MACROD2: variants seen among roughly 807,000 people sequenced by gnomAD.
MACROD2 encodes ADP-ribose glycohydrolase MACROD2.
In MACROD2, 36 loss-of-function variants were observed where a neutral mutation model predicts 70.4. That is an observed-to-expected ratio of 0.51 (90% CI 0.39 to 0.68). The LOEUF (loss-of-function observed/expected upper bound fraction) is 0.68, where lower values mean the gene tolerates loss of function less well. Among genes scored for constraint, MACROD2 ranks in the 30% least tolerant of loss-of-function variants. The pLI is 0.00. For synonymous variants in MACROD2, 172 were observed against 178.8 expected, an observed-to-expected ratio of 0.96 and a Z score of 0.30; for missense variants, 496 against 538.4, an observed-to-expected ratio of 0.92 and a Z score of 0.78.
At chr20:14,682,253 C>T (rs946323360) in intron 4 of MACROD2, among the ~76,000 whole-genome samples, 6 of 151,944 alleles carry the variant, frequency 3.9e-5, no homozygotes, top group Admixed American at 2.0e-4. Flanking sequence ...GCCAAGAAAA[C>T]GTTTACTTTA....
intron 15 of MACROD2, among the ~76,000 whole-genome samples, chr20:16,012,807 G>T (rs1358104833): frequency 6.6e-6 from 1 of 152,118 alleles, no homozygotes; most frequent in African/African-American, 2.4e-5. Flanking sequence ...TGTAACAAGA[G>T]AAGGAAAGCT....
chr20:15,497,415 C>G (rs1422127246), intron 7 of MACROD2, among the ~76,000 whole-genome samples: 2 of 152,108 alleles, frequency 1.3e-5, no homozygotes, highest in African/African-American at 4.8e-5. Context: ...CCTCAGCCTC[C>G]CAAGTAGCTG....
chr20:15,360,636 A>G (rs2078341145), intron 6 of MACROD2, among the ~76,000 whole-genome samples: 1 of 152,044 alleles, frequency 6.6e-6, no homozygotes, highest in Non-Finnish European at 1.5e-5. Context: ...TTTCTAAGAA[A>G]CTGCCACACA....
intron 5 of MACROD2, among the ~76,000 whole-genome samples, chr20:14,720,168 T>C (rs1320520144): frequency 6.6e-6 from 1 of 152,202 alleles, no homozygotes; most frequent in Non-Finnish European, 1.5e-5. Flanking sequence ...TGGTTTGATA[T>C]TTGTAAATCT....
chr20:15,461,006 A>ATATATATTTTTTTTTTTT, intron 7 of MACROD2, among the ~76,000 whole-genome samples: 3 of 66,990 alleles, frequency 4.5e-5, no homozygotes, highest in Non-Finnish European at 9.8e-5. Flanking sequence ...ATATATATAT[A>ATATATATTTTTTTTTTTT]TTTTTTTTTA....
At chr20:15,618,638 G>C (rs2049076797) in intron 8 of MACROD2, among the ~76,000 whole-genome samples, 1 of 151,276 alleles carries the variant, frequency 6.6e-6, no homozygotes, top group African/African-American at 2.4e-5. Flanking sequence ...GGGGCTCCAT[G>C]TGCTGGGACA....
At chr20:15,622,180 G>C (rs2049135224) in intron 8 of MACROD2, among the ~76,000 whole-genome samples, 1 of 152,120 alleles carries the variant, frequency 6.6e-6, no homozygotes, top group Non-Finnish European at 1.5e-5. Flanking sequence ...TTTGGCTAAT[G>C]GTTCATAGTC....
At chr20:14,641,391 T>C (rs1985082440) in intron 4 of MACROD2, among the ~76,000 whole-genome samples, 1 of 152,236 alleles carries the variant, frequency 6.6e-6, no homozygotes, top group Admixed American at 6.5e-5. Context: ...AAACTTATGT[T>C]CCTGTTGATG....
intron 5 of MACROD2, among the ~76,000 whole-genome samples, chr20:15,160,816 A>T (rs1469732759): frequency 6.6e-6 from 1 of 152,136 alleles, no homozygotes; most frequent in Non-Finnish European, 1.5e-5. Context: ...GATCTGCAAC[A>T]ATTTCAGGAA....
chr20:15,992,765 A>G (rs1601289308), intron 15 of MACROD2, among the ~76,000 whole-genome samples: 1 of 152,216 alleles, frequency 6.6e-6, no homozygotes, highest in African/African-American at 2.4e-5. Context: ...TTCTACAACC[A>G]TGTGGCTTAT....
At chr20:15,929,550 A>G (rs1339173220) in intron 10 of MACROD2, among the ~76,000 whole-genome samples, 2 of 152,206 alleles carry the variant, frequency 1.3e-5, no homozygotes, top group East Asian at 3.8e-4. Flanking sequence ...CTGTGCCCAG[A>G]AATCTATAGA....
chr20:14,369,115 A>G (rs186214048), intron 3 of MACROD2, among the ~76,000 whole-genome samples: 45 of 152,240 alleles, frequency 3.0e-4, no homozygotes, highest in African/African-American at 1.0e-3. Context: ...GTACTCTACT[A>G]TATGCCCCAA....
intron 8 of MACROD2, among the ~76,000 whole-genome samples, chr20:15,673,361 G>C (rs2050008644): frequency 6.6e-6 from 1 of 152,066 alleles, no homozygotes; most frequent in African/African-American, 2.4e-5. Context: ...ATTTTTATTA[G>C]TTACTCATCA....
intron 6 of MACROD2, among the ~76,000 whole-genome samples, chr20:15,248,423 T>C (rs1225102455): frequency 6.6e-6 from 1 of 152,182 alleles, no homozygotes; most frequent in Non-Finnish European, 1.5e-5. Context: ...ATTGTCTTTG[T>C]GGCCACCTCT....
At chr20:15,516,389 G>T (rs2047568051) in intron 8 of MACROD2, among the ~76,000 whole-genome samples, 2 of 152,262 alleles carry the variant, frequency 1.3e-5, no homozygotes, top group South Asian at 4.1e-4. Flanking sequence ...TCACTGAGTA[G>T]CTGGCACACC....
At chr20:15,972,318 A>C (rs1195630849) in intron 13 of MACROD2, among the ~76,000 whole-genome samples, 2 of 152,212 alleles carry the variant, frequency 1.3e-5, no homozygotes, top group African/African-American at 4.8e-5. Context: ...TATTTGAAGT[A>C]AAAGTGATTA....
chr20:15,559,348 T>C (rs1220558882), intron 8 of MACROD2, among the ~76,000 whole-genome samples: 1 of 151,946 alleles, frequency 6.6e-6, no homozygotes, highest in East Asian at 1.9e-4. Flanking sequence ...AGAATAGTCA[T>C]GATTAAATCA....
At chr20:15,259,746 C>T (rs994877030) in intron 6 of MACROD2, among the ~76,000 whole-genome samples, 4 of 151,846 alleles carry the variant, frequency 2.6e-5, no homozygotes, top group African/African-American at 9.7e-5. Flanking sequence ...TTTCATCACA[C>T]CATAGGCTTT....
chr20:15,925,976 C>T (rs2065483748), intron 10 of MACROD2, among the ~76,000 whole-genome samples: 1 of 152,158 alleles, frequency 6.6e-6, no homozygotes, highest in Non-Finnish European at 1.5e-5. Flanking sequence ...GAACTGGCAG[C>T]CAGGAGAGCA....
Sources: gnomAD v4.1 joint callset for allele counts (sites outside exome capture counted in the v4.1 genomes callset) on GRCh38, gnomAD v4.1.1 for gene constraint, MANE v1.5 for transcripts, NCBI Gene and HGNC (gene_info 2026-07-23, HGNC 2026-07-21) for gene names.